DCHS2: variants seen among roughly 807,000 people sequenced by gnomAD.
DCHS2 encodes dachsous cadherin-related 2, also known as protocadherin-23.
In DCHS2, 142 loss-of-function variants were observed where a neutral mutation model predicts 182.4. The ratio of observed to expected loss-of-function variants is 0.78; its 90% CI spans 0.68 to 0.89. The LOEUF (loss-of-function observed/expected upper bound fraction) is 0.89, where lower values mean the gene tolerates loss of function less well. Ranked by LOEUF, DCHS2 falls within the 40% of genes least tolerant of loss-of-function variation. The probability of loss-of-function intolerance (pLI) is 0.00; values close to 1 mark genes in which losing one functional copy is unlikely to be tolerated. For missense variants in DCHS2, 4,319 were observed against 4,198.6 expected, an observed-to-expected ratio of 1.03 and a Z score of -0.79; for synonymous variants, 1,740 against 1,663.3, an observed-to-expected ratio of 1.05 and a Z score of -1.12.
intron 1 of DCHS2, among the ~76,000 whole-genome samples, chr4:154,443,298 A>C (rs1467384082): frequency 6.6e-6 from 1 of 152,170 alleles, no homozygotes; most frequent in African/African-American, 2.4e-5. Flanking sequence ...ACACAACCTC[A>C]AGTGACAATC....
chr4:154,273,726 A>T (rs941071280), intron 13 of DCHS2, among the ~76,000 whole-genome samples: 1 of 152,150 alleles, frequency 6.6e-6, no homozygotes, highest in African/African-American at 2.4e-5. Flanking sequence ...TACTGGCCTT[A>T]GTCCTCTGAT....
chr4:154,453,280 G>A (rs1009275348), intron 1 of DCHS2, among the ~76,000 whole-genome samples: 2 of 149,742 alleles, frequency 1.3e-5, no homozygotes, highest in South Asian at 4.3e-4. Context: ...GAGACAGAAA[G>A]GGGCAGACAC....
Position 154,490,660 on chromosome 4 carries a change from C to A in DCHS2, c.696G>T (p.Pro232=), listed in dbSNP as rs2111059249. The A allele has an allele frequency of 6.4e-7, 1 of 1,551,448 alleles. No homozygotes were observed. The highest frequency in any genetic ancestry group is 1.2e-5 in the South Asian group (1 of 84,058). ...QLRYRTPGPL[P]SPLLPGSSSP... ...ACGAGGAGCCTGGCAAAAGCGGTGA[C>A]GGTAGTGGCCCCGGAGTCCGGTAGC... The change falls in exon 1 of 20, where the codon CCG becomes CCT. Residue 232 remains proline, a synonymous_variant. Transcript: ENST00000357232.
chr4:154,490,409 C>T lies in DCHS2; in HGVS notation c.947G>A (p.Cys316Tyr). 8 of 1,533,626 alleles carry T rather than the reference C, an allele frequency of 5.2e-6. No homozygotes were observed. Among genetic ancestry groups the T allele is most frequent in the Non-Finnish European group, 7.0e-6 (8 of 1,144,872 alleles). Residue 316 changes from cysteine (C) to tyrosine (Y), a missense_variant, in exon 1 of 20, where the codon TGT becomes TAT. Physicochemically the swap from Cys to Tyr is radical, Grantham distance 194 (BLOSUM62 -2). Coordinates refer to ENST00000357232, the MANE Select transcript of DCHS2 (RefSeq NM_001358235.2). ...GTCGCGGTCGGTGGCGCGCACGCGA[C>T]AGACCTCGGCGCCCGGCTGGGCGTC... ...REDAQPGAEV[C>Y]RVRATDRDLG... is the part of the protein sequence containing the mutation.
intron 13 of DCHS2, among the ~76,000 whole-genome samples, chr4:154,293,781 C>T (rs550068363): frequency 6.6e-6 from 1 of 152,300 alleles, no homozygotes; most frequent in South Asian, 2.1e-4. Flanking sequence ...ATCAATGTCT[C>T]TCTCTTCCAA....
At chr4:154,486,342 G>C (rs1728585153) in intron 1 of DCHS2, 1 of 1,243,442 alleles carries the variant, frequency 8.0e-7, no homozygotes, top group Admixed American at 2.5e-5. Flanking sequence ...CAACTAGAGT[G>C]GTAGGACCCC....
chr4:154,267,604 C>A (rs961067579), intron 14 of DCHS2, among the ~76,000 whole-genome samples: 1 of 152,156 alleles, frequency 6.6e-6, no homozygotes, highest in African/African-American at 2.4e-5. Context: ...ATATGTCCTG[C>A]AGTGTTGCCA....
intron 1 of DCHS2, among the ~76,000 whole-genome samples, chr4:154,452,866 A>T (rs867266251): frequency 9.8e-5 from 15 of 152,320 alleles, no homozygotes; most frequent in Middle Eastern, 3.4e-3. Context: ...TTATTTGACA[A>T]TCACAAAAGC....
intron 1 of DCHS2, among the ~76,000 whole-genome samples, chr4:154,385,714 G>C (rs746639280): frequency 6.6e-6 from 1 of 151,796 alleles, no homozygotes; most frequent in Non-Finnish European, 1.5e-5. Flanking sequence ...GGATAGTCTC[G>C]ATCTCTTGAC....
intron 1 of DCHS2, among the ~76,000 whole-genome samples, chr4:154,443,163 A>G (rs1734109421): frequency 1.3e-5 from 2 of 152,190 alleles, no homozygotes; most frequent in South Asian, 4.1e-4. Context: ...CCCCATGCCC[A>G]AACCCTTACT....
At chr4:154,453,861 G>T (rs1013849265) in intron 1 of DCHS2, among the ~76,000 whole-genome samples, 4 of 152,050 alleles carry the variant, frequency 2.6e-5, no homozygotes, top group African/African-American at 9.7e-5. Context: ...GTGCTATTTT[G>T]TATTTGTTTT....
chr4:154,426,721 C>T (rs1042055733), intron 1 of DCHS2, among the ~76,000 whole-genome samples: 4 of 151,472 alleles, frequency 2.6e-5, no homozygotes, highest in Non-Finnish European at 5.9e-5. Context: ...ATTCCTTGAG[C>T]TCAGGAGTTT....
At chr4:154,350,429 T>C (rs538948479) in intron 3 of DCHS2, among the ~76,000 whole-genome samples, 9 of 152,190 alleles carry the variant, frequency 5.9e-5, no homozygotes, top group African/African-American at 2.2e-4. Flanking sequence ...TTTTTCAACT[T>C]GAAGGTGAAA....
intron 1 of DCHS2, among the ~76,000 whole-genome samples, chr4:154,466,986 C>A (rs960610676): frequency 6.6e-6 from 1 of 152,112 alleles, no homozygotes; most frequent in Non-Finnish European, 1.5e-5. Flanking sequence ...GTATTATACA[C>A]AAAAACTTTC....
Position 154,332,970 on chromosome 4 carries a change from G to A in DCHS2, c.3238C>T (p.Pro1080Ser), listed in dbSNP as rs777563533. ...ACCAAATGTTCGAAAGTCCAGGATG[G>A]GCTGTGTTCGCGTTTCTCGATAACG... The part of the protein sequence containing the change: ...TVVIEKREHS[P>S]SWTFEHLVYQ... Residue 1080 changes from proline to serine, a missense_variant, in exon 5 of 20, where the codon CCA becomes TCA. Pro to Ser is a moderately conservative substitution (Grantham distance 74). Transcript: ENST00000357232. 4.3e-6 allele frequency: 7 copies of A among 1,614,060 alleles called. No homozygotes were observed. In the African/African-American group the frequency reaches 9.3e-5, roughly 22 times the overall value.
Position 154,377,444 on chromosome 4 carries a change from C to G in DCHS2, c.2053G>C (p.Val685Leu), listed in dbSNP as rs1350167771. 1 of 1,609,630 alleles carries G rather than the reference C, an allele frequency of 6.2e-7. No individual in the cohort carries two copies. Among genetic ancestry groups the G allele is most frequent in the Admixed American group, 1.7e-5 (1 of 59,708 alleles). ...HAPVGHCFLQ[V>L]TASDADSGLY... ...CCTGAATCTGCATCAGAGGCTGTCACCTGTGAGACAGGAGGGTGATCAGGA... is the reference window on the plus strand; with the variant it reads ...CCTGAATCTGCATCAGAGGCTGTCAGCTGTGAGACAGGAGGGTGATCAGGA... The change falls in exon 2 of 20, where the codon GTG (valine) becomes CTG (leucine). Residue 685 changes from valine (V) to leucine (L), a missense_variant and splice_region_variant. By Grantham distance (32) the Val-to-Leu change is conservative. Transcript: ENST00000357232.
intron 1 of DCHS2, among the ~76,000 whole-genome samples, chr4:154,379,540 C>T (rs762731287): frequency 1.1e-4 from 17 of 152,220 alleles, no homozygotes; most frequent in South Asian, 4.2e-4. Flanking sequence ...AAATGGCTAC[C>T]CAGTGCCACT....
Position 154,259,531 on chromosome 4 carries a change from T to A in DCHS2, c.6789+14A>T, listed in dbSNP as rs770217604. 1 of 1,609,382 alleles carries A rather than the reference T, an allele frequency of 6.2e-7. No homozygotes were observed. The highest frequency in any genetic ancestry group is 8.5e-7 in the Non-Finnish European group (1 of 1,178,738). Reference sequence around the variant, plus strand: ...ACACACACACACACACACACACAAATATATTTCTGTTACCTGTATGACATG... The same window carrying A: ...ACACACACACACACACACACACAAAAATATTTCTGTTACCTGTATGACATG... On this transcript the variant is annotated intron_variant, in intron 15 of 19. Coordinates refer to ENST00000357232, the MANE Select transcript of DCHS2 (RefSeq NM_001358235.2).
intron 1 of DCHS2, among the ~76,000 whole-genome samples, chr4:154,483,894 A>G (rs1334561689): frequency 6.6e-6 from 1 of 152,188 alleles, no homozygotes; most frequent in South Asian, 2.1e-4. Flanking sequence ...AGCTTTAAGT[A>G]TCACCTCCAC....
Sources: allele counts gnomAD v4.1 joint callset (sites outside exome capture counted in the v4.1 genomes callset), GRCh38; gene constraint gnomAD v4.1.1; transcripts MANE v1.5; gene names NCBI Gene and HGNC (gene_info 2026-07-23, HGNC 2026-07-21).